Variants in CACNA2D3 observed in about 807,000 individuals in gnomAD.
CACNA2D3 encodes the protein voltage-dependent calcium channel subunit alpha-2/delta-3.
In CACNA2D3, 60 loss-of-function variants were observed where a neutral mutation model predicts 160.6. That is an observed-to-expected ratio of 0.37 (90% CI 0.30 to 0.46). The LOEUF is 0.46. Ranked by LOEUF, CACNA2D3 falls within the 20% of genes least tolerant of loss-of-function variation. The pLI is 1.00. For synonymous variants in CACNA2D3, 558 were observed against 492.9 expected (o/e 1.13, Z -1.75); for missense variants, 1,205 against 1,365.0 (o/e 0.88, Z 1.85).
rs1699155593 is a variant in CACNA2D3, at chr3:54,627,792, C to T, written c.969C>T (p.Phe323=). Residue 323 remains phenylalanine, a synonymous_variant, in exon 10 of 38, where the codon TTC becomes TTT. Coordinates refer to ENST00000474759, the MANE Select transcript of CACNA2D3 (RefSeq NM_018398.3). ...VQADRTNKEH[F]REHLDKLFAK... ...TTTCTGCTTTGCTGTTTCAGCACTT[C>T]AGGGAGCATCTGGACAAACTTTTCG... is the stretch of plus-strand genomic sequence containing the variant. 6.2e-7 allele frequency: 1 copy of T among 1,607,848 alleles called. No homozygotes were observed. The highest frequency in any genetic ancestry group is 8.5e-7 in the Non-Finnish European group (1 of 1,176,550).
At chr3:54,562,686 C>T (rs1179118150) in intron 5 of CACNA2D3, 114 bp from the exon 6 acceptor site, 3 of 860,232 alleles carry the variant, frequency 3.5e-6, no homozygotes, top group Non-Finnish European at 5.3e-6. Flanking sequence ...CCTTCATAGC[C>T]TCCTGCAAGA....
intron 15 of CACNA2D3, among the ~76,000 whole-genome samples, chr3:54,837,790 T>C (rs1698727982): frequency 6.6e-6 from 1 of 152,190 alleles, no homozygotes; most frequent in Admixed American, 6.5e-5. Flanking sequence ...GTTCCTCTTA[T>C]ATGTCTCTCT....
At chr3:54,289,673 G>C (rs1036985158) in intron 2 of CACNA2D3, among the ~76,000 whole-genome samples, 5 of 152,212 alleles carry the variant, frequency 3.3e-5, no homozygotes, top group African/African-American at 1.2e-4. Flanking sequence ...CAAGGCTACA[G>C]TAACCAAAAC....
intron 5 of CACNA2D3, among the ~76,000 whole-genome samples, chr3:54,548,943 G>A (rs1337038632): frequency 6.6e-6 from 1 of 152,120 alleles, no homozygotes; most frequent in Non-Finnish European, 1.5e-5. Flanking sequence ...GGCTGGTGAC[G>A]CTGTGACAGA....
At chr3:54,375,982 T>C (rs776056308) in intron 3 of CACNA2D3, among the ~76,000 whole-genome samples, 14 of 152,252 alleles carry the variant, frequency 9.2e-5, no homozygotes, top group Non-Finnish European at 1.6e-4. Flanking sequence ...GTGGTCTCTC[T>C]GCCTCAGTCT....
chr3:55,026,504 A>G (rs193009838), intron 35 of CACNA2D3, among the ~76,000 whole-genome samples: 62 of 152,322 alleles, frequency 4.1e-4, no homozygotes, highest in Non-Finnish European at 5.6e-4. Context: ...TAGAGAGTAA[A>G]TGTTACACGG....
intron 3 of CACNA2D3, among the ~76,000 whole-genome samples, chr3:54,354,212 C>T (rs978963310): frequency 3.9e-5 from 6 of 152,092 alleles, no homozygotes; most frequent in African/African-American, 1.2e-4. Flanking sequence ...GAGTTATTGG[C>T]GTCAGTGTGC....
intron 2 of CACNA2D3, among the ~76,000 whole-genome samples, chr3:54,288,885 A>G (rs531992801): frequency 6.6e-6 from 1 of 152,348 alleles, no homozygotes; most frequent in South Asian, 2.1e-4. Context: ...TTCATGCTAA[A>G]AACTCAAGAA....
chr3:54,472,102 A>G (rs1700743439), intron 4 of CACNA2D3, among the ~76,000 whole-genome samples: 1 of 152,182 alleles, frequency 6.6e-6, no homozygotes, highest in South Asian at 2.1e-4. Flanking sequence ...AAAAAAAGAA[A>G]ATTTCAGGCC....
chr3:54,203,179 A>G (rs1006627024), intron 2 of CACNA2D3, among the ~76,000 whole-genome samples: 27 of 152,194 alleles, frequency 1.8e-4, no homozygotes, highest in African/African-American at 3.1e-4. Flanking sequence ...GCTCTCCCCA[A>G]TGTGGGTGGG....
intron 13 of CACNA2D3, among the ~76,000 whole-genome samples, chr3:54,765,721 A>G (rs1374984085): frequency 6.6e-6 from 1 of 152,168 alleles, no homozygotes; most frequent in Non-Finnish European, 1.5e-5. Flanking sequence ...CATCAATTTA[A>G]AAAAATATAA....
At chr3:54,583,626 G>A (rs534651468) in intron 9 of CACNA2D3, among the ~76,000 whole-genome samples, 12 of 152,210 alleles carry the variant, frequency 7.9e-5, no homozygotes, top group African/African-American at 2.4e-4. Flanking sequence ...TCTGAAATCC[G>A]CAATGCTCCA....
At chr3:54,512,669 C>T (rs1701478500) in intron 5 of CACNA2D3, among the ~76,000 whole-genome samples, 1 of 152,188 alleles carries the variant, frequency 6.6e-6, no homozygotes, top group Non-Finnish European at 1.5e-5. Flanking sequence ...CCTGCACCTG[C>T]TCTCCACCCA....
intron 11 of CACNA2D3, among the ~76,000 whole-genome samples, chr3:54,737,460 C>A (rs950816189): frequency 1.3e-5 from 2 of 151,966 alleles, no homozygotes; most frequent in Non-Finnish European, 2.9e-5. Context: ...TGTGCAAAGG[C>A]CCTGTGACAG....
chr3:54,531,535 G>T (rs1053332237), intron 5 of CACNA2D3, among the ~76,000 whole-genome samples: 2 of 152,210 alleles, frequency 1.3e-5, no homozygotes, highest in African/African-American at 2.4e-5. Context: ...TTATCAGCTT[G>T]CAGTGAATAA....
At chr3:54,934,741 T>G (rs937021426) in intron 27 of CACNA2D3, among the ~76,000 whole-genome samples, 28 of 152,186 alleles carry the variant, frequency 1.8e-4, no homozygotes, top group African/African-American at 6.3e-4. Context: ...TTTTGTGTTT[T>G]GTTTTTGTTG....
chr3:54,175,434 G>A (rs531514038), intron 2 of CACNA2D3, among the ~76,000 whole-genome samples: 4 of 152,062 alleles, frequency 2.6e-5, no homozygotes, highest in African/African-American at 9.6e-5. Context: ...GGCTAGCATG[G>A]TGAAACCCCG....
intron 15 of CACNA2D3, among the ~76,000 whole-genome samples, chr3:54,837,868 C>G (rs1157772609): frequency 6.6e-6 from 1 of 152,168 alleles, no homozygotes; most frequent in African/African-American, 2.4e-5. Flanking sequence ...ACGATGATTT[C>G]ATCTCAAGAT....
At chr3:54,915,515 A>C (rs1283766883) in intron 27 of CACNA2D3, among the ~76,000 whole-genome samples, 2 of 152,376 alleles carry the variant, frequency 1.3e-5, no homozygotes, top group South Asian at 2.1e-4. Flanking sequence ...TGAATATGAC[A>C]GCAGCAATAA....
Sources: gnomAD v4.1 joint callset for allele counts (sites outside exome capture counted in the v4.1 genomes callset) on GRCh38, gnomAD v4.1.1 for gene constraint, MANE v1.5 for transcripts, NCBI Gene and HGNC (gene_info 2026-07-23, HGNC 2026-07-21) for gene names.